ANGPTL2: variants seen among roughly 807,000 people sequenced by gnomAD.
ANGPTL2 encodes angiopoietin like 2.
Under a neutral mutation model 52.8 loss-of-function variants are expected in ANGPTL2, and 25 were observed. The ratio of observed to expected loss-of-function variants is 0.47; its 90% CI spans 0.35 to 0.66. The LOEUF is 0.66. Among genes scored for constraint, ANGPTL2 ranks in the 30% least tolerant of loss-of-function variants. The probability of loss-of-function intolerance (pLI) is 0.01; values close to 1 mark genes in which losing one functional copy is unlikely to be tolerated. For missense variants in ANGPTL2, 546 were observed against 656.9 expected (o/e 0.83, Z 1.84); for synonymous variants, 276 against 277.4 (o/e 1.00, Z 0.05).
Position 127,089,061 on chromosome 9 carries a change from G to A in ANGPTL2, c.1360C>T (p.Arg454Cys), listed in dbSNP as rs1422212904. The change falls in exon 5 of 5, where the codon CGC (arginine) becomes TGC (cysteine). Residue 454 changes from arginine (R) to cysteine (C), a missense_variant. Arg to Cys is a radical substitution (Grantham distance 180). Around this residue, in one of 2 missense-constraint regions of ANGPTL2, gnomAD observed 261 missense variants for 361.0 expected, o/e 0.72. Coordinates refer to ENST00000373425, the MANE Select transcript of ANGPTL2 (RefSeq NM_012098.3). ...TAGCGGCTCCGGTAATGGCCCCCGCGGTACCAGACCCCGTTGAGGTTGGAG... is the reference window on the plus strand; with the variant it reads ...TAGCGGCTCCGGTAATGGCCCCCGCAGTACCAGACCCCGTTGAGGTTGGAG... ...AHSNLNGVWY[R>C]GGHYRSRYQD... 6 of 1,614,072 alleles carry A rather than the reference G, an allele frequency of 3.7e-6. No individual in the cohort carries two copies. The highest frequency in any genetic ancestry group is 5.1e-6 in the Non-Finnish European group (6 of 1,180,040).
At position 127,106,089 on chromosome 9, in the gene ANGPTL2, C is replaced by T. The variant is rs543477922; in HGVS notation, c.817+1826G>A. On this transcript the variant is annotated intron_variant, in intron 2 of 4. Coordinates refer to ENST00000373425, the MANE Select transcript of ANGPTL2 (RefSeq NM_012098.3). ...TGCAAACCCAGGTCTTATTCCTATA[C>T]TATGTATCTGCCAGCTTAGTTCAAG... 3.9e-5 allele frequency among the ~76,000 whole-genome samples: 6 copies of T among 152,302 alleles called. No homozygotes were observed. The South Asian group carries it at 8.3e-4, about 21-fold the overall frequency.
chr9:127,116,900 G>A (rs1251267308), intron 1 of ANGPTL2, among the ~76,000 whole-genome samples: 1 of 152,196 alleles, frequency 6.6e-6, no homozygotes, highest in East Asian at 1.9e-4. Context: ...GTGGAGCTGG[G>A]CCCAGTAACA....
chr9:127,105,403 C>T (rs2054126496), intron 2 of ANGPTL2, among the ~76,000 whole-genome samples: 1 of 152,132 alleles, frequency 6.6e-6, no homozygotes, highest in African/African-American at 2.4e-5. Context: ...ATTTGAGGTG[C>T]CAGGAATAGA....
intron 1 of ANGPTL2, among the ~76,000 whole-genome samples, chr9:127,116,862 T>C (rs2055483804): frequency 6.6e-6 from 1 of 152,108 alleles, no homozygotes; most frequent in African/African-American, 2.4e-5. Flanking sequence ...ATGAAGCCAC[T>C]TGTCCAGGGG....
intron 2 of ANGPTL2, among the ~76,000 whole-genome samples, chr9:127,104,771 T>C (rs1409026360): frequency 6.6e-6 from 1 of 152,232 alleles, no homozygotes; most frequent in Non-Finnish European, 1.5e-5. Context: ...CACATGGCTC[T>C]GAGGCTGCTG....
At chr9:127,106,760 G>A (rs1377988147) in intron 2 of ANGPTL2, among the ~76,000 whole-genome samples, 2 of 152,186 alleles carry the variant, frequency 1.3e-5, no homozygotes, top group Non-Finnish European at 1.5e-5. Context: ...CTCTGCACTG[G>A]CCACCCTCCT....
chr9:127,101,593 C>A (rs2053736435), intron 2 of ANGPTL2, among the ~76,000 whole-genome samples: 1 of 152,164 alleles, frequency 6.6e-6, no homozygotes, highest in Admixed American at 6.5e-5. Context: ...AATAATAAAT[C>A]CATCTGGAAA....
rs188734427 is a variant in ANGPTL2, at chr9:127,091,250, C to A, written c.1282+420G>T. Among the ~76,000 whole-genome samples, 1 of 152,332 alleles carries A rather than the reference C, an allele frequency of 6.6e-6. No individual in the cohort carries two copies. The highest frequency in any genetic ancestry group is 1.9e-4 in the East Asian group (1 of 5,170). ...GGAGATTTAGCAGTATGCCCAAGGACACATGGCTGGTAGGAGGTGGGGCCA... is the reference window on the plus strand; with the variant it reads ...GGAGATTTAGCAGTATGCCCAAGGAAACATGGCTGGTAGGAGGTGGGGCCA... On this transcript the variant is annotated intron_variant, in intron 4 of 4. Coordinates refer to ENST00000373425, the MANE Select transcript of ANGPTL2 (RefSeq NM_012098.3). The surrounding 1 kb of genome is among the most constrained non-coding windows in gnomAD (Gnocchi z 4.3).
intron 4 of ANGPTL2, 46 bp from the exon 5 acceptor site, chr9:127,089,184 C>G: frequency 1.3e-6 from 2 of 1,598,714 alleles, no homozygotes; most frequent in Non-Finnish European, 1.7e-6. Context: ...GGAGGCCATT[C>G]TACTTGCGTC....
chr9:127,118,325 C>T (rs1440335709), intron 1 of ANGPTL2, among the ~76,000 whole-genome samples: 1 of 152,222 alleles, frequency 6.6e-6, no homozygotes, highest in African/African-American at 2.4e-5. Context: ...GTCATAGAAA[C>T]TACCCCCAGA....
At chr9:127,102,800 C>T (rs912708229) in intron 2 of ANGPTL2, among the ~76,000 whole-genome samples, 11 of 152,222 alleles carry the variant, frequency 7.2e-5, no homozygotes, top group Non-Finnish European at 1.6e-4. Context: ...GCAAAGAGTG[C>T]TCTTTGAGAA....
At chr9:127,096,610 T>C (rs1177483172) in intron 2 of ANGPTL2, among the ~76,000 whole-genome samples, 1 of 152,226 alleles carries the variant, frequency 6.6e-6, no homozygotes, top group Non-Finnish European at 1.5e-5. Context: ...AGTTTTACCT[T>C]TGGCATTTCC....
chr9:127,119,929 C>T (rs933192127), intron 1 of ANGPTL2, among the ~76,000 whole-genome samples: 1 of 152,228 alleles, frequency 6.6e-6, no homozygotes, highest in African/African-American at 2.4e-5. Context: ...TCAGTAGCCC[C>T]AGAGGCCTTG....
chr9:127,098,296 G>A (rs892872854), intron 2 of ANGPTL2, among the ~76,000 whole-genome samples: 1 of 152,212 alleles, frequency 6.6e-6, no homozygotes, highest in Non-Finnish European at 1.5e-5. Flanking sequence ...AGTACCTAGC[G>A]GTGTTTAACT....
chr9:127,091,974 C>T lies in ANGPTL2; in HGVS notation c.1012-34G>A. 1 of 1,598,170 alleles carries T rather than the reference C, an allele frequency of 6.3e-7. No individual in the cohort carries two copies. The highest frequency in any genetic ancestry group is 8.5e-7 in the Non-Finnish European group (1 of 1,170,376). ...AACCCAGGAGAGTGTTAATGTGGAGCCTGCAGCACCTGCAGCCAGCAGGCT... is the reference window on the plus strand; with the variant it reads ...AACCCAGGAGAGTGTTAATGTGGAGTCTGCAGCACCTGCAGCCAGCAGGCT... On this transcript the variant is annotated intron_variant, in intron 3 of 4. Transcript: ENST00000373425. This position sits in a 1 kb window ranked among gnomAD's most constrained non-coding sequence, Gnocchi z 4.3.
rs774915769 is a variant in ANGPTL2, at chr9:127,108,378, G to T, written c.354C>A (p.Ser118Arg). The T allele has an allele frequency of 1.9e-6, 3 of 1,609,664 alleles. No homozygotes were observed. Among genetic ancestry groups the T allele is most frequent in the Admixed American group, 1.7e-5 (1 of 59,890 alleles). ...TCTCCTTGCGCAGCAGCTTCACCTC[G>T]CTCACAATGCCGCCGTCCACCTCCA... is the stretch of plus-strand genomic sequence containing the variant. ...QLVEVDGGIV[S>R]EVKLLRKESR... is the part of the protein sequence containing the mutation. Residue 118 changes from serine (S) to arginine (R), a missense_variant, in exon 2 of 5, where the codon AGC (serine) becomes AGA (arginine). Transcript: ENST00000373425.
intron 2 of ANGPTL2, among the ~76,000 whole-genome samples, chr9:127,100,502 A>G (rs934976559): frequency 6.6e-6 from 1 of 152,220 alleles, no homozygotes; most frequent in African/African-American, 2.4e-5. Context: ...GACATTTTAA[A>G]AAAGAGTTTA....
rs376034841 is a variant in ANGPTL2 at position 127,120,674 on chromosome 9, C to T, written c.-50+1641G>A. ...CGTCTCTACTGAAAATACACACACA[C>T]AAAATTAGCTGGGCGTGGTGGTGGG... On this transcript the variant is annotated intron_variant, in intron 1 of 4. Transcript: ENST00000373425. Among the ~76,000 whole-genome samples, 7 of 152,198 alleles carry T rather than the reference C, an allele frequency of 4.6e-5. No homozygotes were observed. The South Asian group carries it at 1.0e-3, about 23-fold the overall frequency.
intron 1 of ANGPTL2, among the ~76,000 whole-genome samples, chr9:127,118,460 C>A (rs1443111921): frequency 2.0e-5 from 3 of 152,208 alleles, no homozygotes; most frequent in East Asian, 1.9e-4. Context: ...TGAATTGATT[C>A]TTTCTTGAGA....
Sources: gnomAD v4.1 joint callset for allele counts (sites outside exome capture counted in the v4.1 genomes callset) on GRCh38, gnomAD v4.1.1 for gene constraint, gnomAD v4.1.1 regional missense constraint, Gnocchi (gnomAD v3.1) non-coding constraint, MANE v1.5 for transcripts, NCBI Gene and HGNC (gene_info 2026-07-23, HGNC 2026-07-21) for gene names.